Variants in PTPRN2 observed in about 807,000 individuals in gnomAD.
PTPRN2 encodes receptor-type tyrosine-protein phosphatase N2.
PTPRN2 carries 74 observed loss-of-function variants against 118.8 expected under a neutral mutation model. The observed-to-expected ratio is 0.62, with a 90% CI of 0.52 to 0.76. The LOEUF (loss-of-function observed/expected upper bound fraction) is 0.76, where lower values mean the gene tolerates loss of function less well. Among genes scored for constraint, PTPRN2 ranks in the 30% least tolerant of loss-of-function variants. The pLI is 0.00. For synonymous variants in PTPRN2, 641 were observed against 608.0 expected (o/e 1.05, Z -0.80); for missense variants, 1,481 against 1,394.4 (o/e 1.06, Z -0.99).
In PTPRN2 at chr7:157,929,781, C is replaced by T. The variant is rs1384384312; in HGVS notation, c.1724-31044G>A. Among the ~76,000 whole-genome samples, 1 of 151,976 alleles carries T rather than the reference C, an allele frequency of 6.6e-6. No homozygotes were observed. The highest frequency in any genetic ancestry group is 2.4e-5 in the African/African-American group (1 of 41,416). ...GAATGGTGCCAGAAGGGAGTCTTTC[C>T]AAGTGCCCTGTAATGCAGAACCTTT... On this transcript the variant is annotated intron_variant, in intron 11 of 22. Coordinates refer to ENST00000389418, the MANE Select transcript of PTPRN2 (RefSeq NM_002847.5). This position sits in a 1 kb window ranked among gnomAD's most constrained non-coding sequence, Gnocchi z 4.4.
intron 2 of PTPRN2, among the ~76,000 whole-genome samples, chr7:158,460,725 G>A (rs1392650551): frequency 6.6e-6 from 1 of 150,692 alleles, no homozygotes; most frequent in Non-Finnish European, 1.5e-5. Flanking sequence ...ACGGTCCCAT[G>A]GGAAAGTCAA....
chr7:158,130,263 A>G (rs1342914856), intron 9 of PTPRN2, among the ~76,000 whole-genome samples: 2 of 152,222 alleles, frequency 1.3e-5, no homozygotes, highest in South Asian at 2.1e-4. Flanking sequence ...TCCCACCTCC[A>G]GTGCGAATGA....
intron 11 of PTPRN2, among the ~76,000 whole-genome samples, chr7:158,058,244 C>T (rs559890673): frequency 6.8e-6 from 1 of 148,058 alleles, no homozygotes; most frequent in Admixed American, 6.8e-5. Flanking sequence ...ACTCCATCTG[C>T]CCACGGTGAC....
intron 2 of PTPRN2, among the ~76,000 whole-genome samples, chr7:158,328,381 C>T (rs1335910718): frequency 3.9e-5 from 6 of 152,180 alleles, no homozygotes; most frequent in Non-Finnish European, 5.9e-5. Context: ...GAAGATAAGC[C>T]GAGACCCTAT....
intron 2 of PTPRN2, among the ~76,000 whole-genome samples, chr7:158,449,080 G>C (rs1220195279): frequency 1.3e-5 from 2 of 152,214 alleles, no homozygotes; most frequent in Non-Finnish European, 2.9e-5. Context: ...GTGGACAACA[G>C]GGTGTGTTTA....
chr7:158,094,486 T>A lies in PTPRN2; in HGVS notation c.1644-13109A>T, dbSNP rs186548889. Among the ~76,000 whole-genome samples the A allele has an allele frequency of 2.2e-3, 329 of 152,080 alleles. 2 individuals are homozygous for A. Among genetic ancestry groups the A allele is most frequent in the Non-Finnish European group, 3.7e-3 (249 of 67,972 alleles). ...CACCATGCTCAGCTAATTTTTTTTT[T>A]AAAATAGAGATGGCGTTTCACTATG... On this transcript the variant is annotated intron_variant, in intron 10 of 22. Coordinates refer to ENST00000389418, the MANE Select transcript of PTPRN2 (RefSeq NM_002847.5).
chr7:158,180,598 T>C (rs1824619708), intron 5 of PTPRN2, among the ~76,000 whole-genome samples: 2 of 152,248 alleles, frequency 1.3e-5, no homozygotes, highest in South Asian at 4.1e-4. Flanking sequence ...CATTTGTTTG[T>C]GTCATCTACA....
At chr7:158,414,528 G>A (rs944645148) in intron 2 of PTPRN2, among the ~76,000 whole-genome samples, 8 of 152,298 alleles carry the variant, frequency 5.3e-5, no homozygotes, top group Middle Eastern at 3.4e-3. Flanking sequence ...GATGTTCTCC[G>A]GGCTCAGCTG....
In PTPRN2 at chr7:157,598,555, G is replaced by T. The variant is rs953172248; in HGVS notation, c.2419-3240C>A. The stretch of plus-strand genomic sequence containing the variant: ...GGTGGGTGAGCTCAGGGAGTGAGGA[G>T]CTTGGATGATGCGGTTTCTAAGTGT... On this transcript the variant is annotated intron_variant, in intron 16 of 22. Coordinates refer to ENST00000389418, the MANE Select transcript of PTPRN2 (RefSeq NM_002847.5). The surrounding 1 kb of genome is among the most constrained non-coding windows in gnomAD (Gnocchi z 5.2). 6.6e-6 allele frequency among the ~76,000 whole-genome samples: 1 copy of T among 152,190 alleles called. No individual in the cohort carries two copies. Among genetic ancestry groups the T allele is most frequent in the Non-Finnish European group, 1.5e-5 (1 of 68,034 alleles).
At chr7:157,650,887 G>A (rs893063171) in intron 14 of PTPRN2, among the ~76,000 whole-genome samples, 1 of 152,224 alleles carries the variant, frequency 6.6e-6, no homozygotes, top group African/African-American at 2.4e-5. Context: ...CCTGGAGCCT[G>A]ACAAGATCAA....
At chr7:158,388,280 G>T (rs1216331148) in intron 2 of PTPRN2, among the ~76,000 whole-genome samples, 7 of 151,990 alleles carry the variant, frequency 4.6e-5, no homozygotes, top group Admixed American at 3.3e-4. Context: ...CGGCACCAAG[G>T]TCCCAGAATT....
intron 5 of PTPRN2, among the ~76,000 whole-genome samples, chr7:158,188,651 CT>C (rs71530307): frequency 3.3e-5 from 4 of 119,952 alleles, no homozygotes; most frequent in African/African-American, 9.1e-5. Context: ...CGCTCGCCCC[CT>C]GATGGGGAAG....
At chr7:158,367,483 G>A (rs1313592969) in intron 2 of PTPRN2, among the ~76,000 whole-genome samples, 1 of 152,192 alleles carries the variant, frequency 6.6e-6, no homozygotes, top group Non-Finnish European at 1.5e-5. Flanking sequence ...CAGGATGGAG[G>A]CACCAACTGG....
chr7:158,387,538 G>T (rs1038330394), intron 2 of PTPRN2, among the ~76,000 whole-genome samples: 4 of 152,348 alleles, frequency 2.6e-5, no homozygotes, highest in Middle Eastern at 3.4e-3. Context: ...GGTCCTGGGG[G>T]GACTGGACTC....
At chr7:158,257,866 G>A (rs1797136390) in intron 3 of PTPRN2, among the ~76,000 whole-genome samples, 1 of 152,220 alleles carries the variant, frequency 6.6e-6, no homozygotes, top group Admixed American at 6.5e-5. Context: ...CCCCTGCTGG[G>A]CTCCTTGCTG....
chr7:158,146,825 G>C (rs181276228), intron 6 of PTPRN2, among the ~76,000 whole-genome samples: 1 of 152,050 alleles, frequency 6.6e-6, no homozygotes, highest in African/African-American at 2.4e-5. Flanking sequence ...ACACTAAAAT[G>C]TTTTGGAGGC....
chr7:158,502,404 T>C (rs754571243), intron 1 of PTPRN2, among the ~76,000 whole-genome samples: 1 of 152,190 alleles, frequency 6.6e-6, no homozygotes. Context: ...AAAACTGACT[T>C]GGAGAAATGG....
At chr7:157,736,186 C>G (rs140770148) in intron 12 of PTPRN2, among the ~76,000 whole-genome samples, 1 of 152,188 alleles carries the variant, frequency 6.6e-6, no homozygotes, top group Non-Finnish European at 1.5e-5. Context: ...TTTCCCACCA[C>G]CATTCAAAGG....
intron 1 of PTPRN2, among the ~76,000 whole-genome samples, chr7:158,499,805 G>GTA (rs1348454131): frequency 1.8e-3 from 258 of 144,624 alleles, no homozygotes; most frequent in East Asian, 0.018. Flanking sequence ...GTGTGTGTGT[G>GTA]TGTATATATA....
Sources: allele counts gnomAD v4.1 joint callset (sites outside exome capture counted in the v4.1 genomes callset), GRCh38; gene constraint gnomAD v4.1.1; non-coding constraint Gnocchi (gnomAD v3.1); transcripts MANE v1.5; gene names NCBI Gene and HGNC (gene_info 2026-07-23, HGNC 2026-07-21).